The following TNFRSF14 variants were observed in gnomAD, a reference collection of about 807,000 sequenced individuals.
The protein encoded by TNFRSF14 is tumor necrosis factor receptor superfamily member 14.
A neutral mutation model predicts 34.1 loss-of-function variants in TNFRSF14; 18 were observed. The observed-to-expected ratio is 0.53, with a 90% CI of 0.36 to 0.78. The LOEUF (loss-of-function observed/expected upper bound fraction) is 0.78, where lower values mean the gene tolerates loss of function less well. Ranked by LOEUF, TNFRSF14 falls within the 30% of genes least tolerant of loss-of-function variation. The pLI, the probability that TNFRSF14 is intolerant of heterozygous loss-of-function variation, is 0.00. For synonymous variants in TNFRSF14, 157 were observed against 153.2 expected (o/e 1.02, Z -0.18); for missense variants, 352 against 379.5 (o/e 0.93, Z 0.60).
chr1:2,560,639 A>G lies in TNFRSF14; in HGVS notation c.476A>G (p.Asp159Gly), dbSNP rs530080753. 6.2e-7 allele frequency: 1 copy of G among 1,613,190 alleles called. No individual in the cohort carries two copies. Among genetic ancestry groups the G allele is most frequent in the African/African-American group, 1.3e-5 (1 of 74,944 alleles). Reference sequence around the variant, plus strand: ...CTCTTCTCAGGCACCGAGAGTCAGGACACCCTGTGTCAGAACTGCCCCCCG... The same window carrying G: ...CTCTTCTCAGGCACCGAGAGTCAGGGCACCCTGTGTCAGAACTGCCCCCCG... ...RVQKGGTESQ[D>G]TLCQNCPPGT... Residue 159 changes from aspartate (D) to glycine (G), a missense_variant, in exon 5 of 8, where the codon GAC (aspartate) becomes GGC (glycine). Physicochemically the swap from Asp to Gly is moderately conservative, Grantham distance 94. Coordinates refer to ENST00000355716, the MANE Select transcript of TNFRSF14 (RefSeq NM_003820.4).
chr1:2,562,563 G>A, intron 6 of TNFRSF14: 1 of 563,592 alleles, frequency 1.8e-6, no homozygotes, highest in Admixed American at 3.2e-5. Flanking sequence ...TGAAGCGCTT[G>A]TTCCCCTCCC....
At chr1:2,560,518 C>T in intron 4 of TNFRSF14, 106 bp from the exon 5 acceptor site, 1 of 791,316 alleles carries the variant, frequency 1.3e-6, no homozygotes, top group South Asian at 1.7e-5. Flanking sequence ...CTCCCATCAC[C>T]CGTAGAGCAC....
At chr1:2,556,785 C>A in intron 1 of TNFRSF14, 52 bp downstream of exon 1, 1 of 1,504,482 alleles carries the variant, frequency 6.6e-7, no homozygotes, top group East Asian at 2.3e-5. Context: ...GTTCTGACCC[C>A]AGGGCCTCCC....
upstream of TNFRSF14, chr1:2,556,366 C>T: frequency 3.1e-6 from 2 of 653,672 alleles, no homozygotes; most frequent in Non-Finnish European, 5.7e-6. Context: ...TCGGGCGCCT[C>T]CTTCATACCG....
At chr1:2,559,059 G>T in intron 3 of TNFRSF14, 2 of 1,369,514 alleles carry the variant, frequency 1.5e-6, no homozygotes, top group East Asian at 6.8e-5. Context: ...GGCTCAGCAT[G>T]GCCAGTGCTC....
upstream of TNFRSF14, chr1:2,556,202 G>A (rs573810854): frequency 5.2e-5 from 22 of 426,944 alleles, no homozygotes; most frequent in Admixed American, 3.1e-4. Context: ...CCCTTTATTC[G>A]GCAAAAATGT....
Position 2,556,452 on chromosome 1 carries a change from C to A in TNFRSF14, c.-213C>A, listed in dbSNP as rs756554931. 3 of 702,242 alleles carry A rather than the reference C, an allele frequency of 4.3e-6. No homozygotes were observed. The South Asian group carries it at 4.5e-5, about 11-fold the overall frequency. The allele number at this position is 702,242 out of a possible 1,614,324, so 43.5% of individuals were successfully genotyped here. ...CCTGTGTCCCCCAGCGCCGCTCCAC[C>A]CAGCAGGCCTGAGCCCCTCTCTGCT... On this transcript the variant is annotated 5_prime_UTR_variant, in exon 1 of 8. Transcript: ENST00000355716.
chr1:2,557,880 A>T (rs1644242446), intron 2 of TNFRSF14, 46 bp downstream of exon 2: 1 of 1,480,858 alleles, frequency 6.8e-7, no homozygotes, highest in African/African-American at 1.4e-5. Context: ...CCGAGGGCAG[A>T]CACTCTTGCC....
intron 3 of TNFRSF14, chr1:2,558,809 G>T: frequency 7.5e-7 from 1 of 1,332,848 alleles, no homozygotes; most frequent in African/African-American, 1.5e-5. Flanking sequence ...GAATGGGATG[G>T]TGCTGGGACT....
chr1:2,559,308 G>T, intron 3 of TNFRSF14: 1 of 1,367,444 alleles, frequency 7.3e-7, no homozygotes, highest in Non-Finnish European at 9.6e-7. Flanking sequence ...CTGAGGATGT[G>T]GGGGCACAGG....
rs1250783468 is a variant in TNFRSF14 at position 2,561,223 on chromosome 1, A to AG, written c.552-445dup. Reference sequence around the variant, plus strand: ...TGGAGCAGGGATGGCTGCCCCAGGGAGGGGGCGGTGGGGCCTTCCATCCTG... The same window carrying AG: ...TGGAGCAGGGATGGCTGCCCCAGGGAGGGGGGCGGTGGGGCCTTCCATCCTG... On this transcript the variant is annotated intron_variant, in intron 5 of 7. Coordinates refer to ENST00000355716, the MANE Select transcript of TNFRSF14 (RefSeq NM_003820.4). This position sits in a 1 kb window ranked among gnomAD's most constrained non-coding sequence, Gnocchi z 6.0. 1 of 432,158 alleles carries AG rather than the reference A, an allele frequency of 2.3e-6. No individual in the cohort carries two copies. The highest frequency in any genetic ancestry group is 2.0e-5 in the African/African-American group (1 of 50,174). The allele number at this position is 432,158 out of a possible 1,614,324, so 26.8% of individuals were successfully genotyped here.
chr1:2,562,047 C>T, intron 6 of TNFRSF14: 1 of 589,186 alleles, frequency 1.7e-6, no homozygotes. Flanking sequence ...AGCCCTCAGC[C>T]ACCCCTGCCC....
At chr1:2,557,566 G>C (rs1018379075) in intron 1 of TNFRSF14, among the ~76,000 whole-genome samples, 160 bp from the exon 2 acceptor site, 1 of 152,138 alleles carries the variant, frequency 6.6e-6, no homozygotes, top group Non-Finnish European at 1.5e-5. Flanking sequence ...GGTCGGCAAG[G>C]TTGTTCCATG....
At chr1:2,556,077 AG>A, upstream of TNFRSF14, 1 of 277,764 alleles carries the variant, frequency 3.6e-6, no homozygotes, top group Non-Finnish European at 7.2e-6. Context: ...GCAGGGACAC[AG>A]GCCTGGTGGG....
intron 2 of TNFRSF14, 63 bp downstream of exon 2, chr1:2,557,897 T>C (rs1311220729): frequency 7.5e-7 from 1 of 1,340,198 alleles, no homozygotes; most frequent in African/African-American, 1.5e-5. Context: ...TGCCCCCTTC[T>C]GCCCCAGACA....
Position 2,563,659 on chromosome 1 carries a change from C to T in TNFRSF14, c.*386C>T. 3.6e-6 allele frequency: 1 copy of T among 276,874 alleles called. No homozygotes were observed. Among genetic ancestry groups the T allele is most frequent in the African/African-American group, 2.1e-5 (1 of 46,984 alleles). 17.2% of individuals were successfully genotyped at this position (276,874 alleles called of 1,614,324 possible). On this transcript the variant is annotated 3_prime_UTR_variant, in exon 8 of 8. Coordinates refer to ENST00000355716, the MANE Select transcript of TNFRSF14 (RefSeq NM_003820.4). ...CAGCAGGACAGGCCCCGGGCACTGC[C>T]TCACAGCCAAGGCTGGACTGGGTTG...
intron 3 of TNFRSF14, chr1:2,559,063 A>G: frequency 7.3e-7 from 1 of 1,369,418 alleles, no homozygotes; most frequent in Non-Finnish European, 9.6e-7. Context: ...CAGCATGGCC[A>G]GTGCTCCCTG....
chr1:2,558,912 A>T, intron 3 of TNFRSF14: 1 of 1,360,658 alleles, frequency 7.3e-7, no homozygotes, highest in Non-Finnish European at 9.7e-7. Flanking sequence ...TCAGGGGAAG[A>T]GGTCACCTGG....
intron 3 of TNFRSF14, chr1:2,559,111 G>A (rs1324267623): frequency 1.0e-5 from 14 of 1,364,632 alleles, no homozygotes; most frequent in South Asian, 8.6e-5. Context: ...CAGGGCTGAC[G>A]GCACACCTGG....
Sources: allele counts gnomAD v4.1 joint callset (sites outside exome capture counted in the v4.1 genomes callset), GRCh38; gene constraint gnomAD v4.1.1; non-coding constraint Gnocchi (gnomAD v3.1); transcripts MANE v1.5; gene names NCBI Gene and HGNC (gene_info 2026-07-23, HGNC 2026-07-21).